REPS1: variants seen among roughly 807,000 people sequenced by gnomAD.
The protein encoded by REPS1 is ralBP1-associated Eps domain-containing protein 1.
A neutral mutation model predicts 100.9 loss-of-function variants in REPS1; 39 were observed. The ratio of observed to expected loss-of-function variants is 0.39; its 90% confidence interval spans 0.30 to 0.50. The LOEUF (loss-of-function observed/expected upper bound fraction) is 0.50, where lower values mean the gene tolerates loss of function less well. Among genes scored for constraint, REPS1 ranks in the 20% least tolerant of loss-of-function variants. REPS1 has a pLI of 0.86. For missense variants in REPS1, 821 were observed against 968.5 expected (o/e 0.85, Z 2.02); for synonymous variants, 324 against 340.3 (o/e 0.95, Z 0.53).
At chr6:138,915,692 A>AT (rs879327783) in intron 14 of REPS1, among the ~76,000 whole-genome samples, 166 bp downstream of exon 14, 1 of 152,130 alleles carries the variant, frequency 6.6e-6, no homozygotes. Flanking sequence ...ACCTCAAGTG[A>AT]TCTGCCTGCC....
chr6:138,934,493 G>A (rs904847805), intron 8 of REPS1, among the ~76,000 whole-genome samples: 3 of 152,194 alleles, frequency 2.0e-5, no homozygotes. Flanking sequence ...GCAAACACTG[G>A]AAGAAGTTTC....
At chr6:138,968,913 AAG>A (rs200114681) in intron 1 of REPS1, among the ~76,000 whole-genome samples, 1,583 of 152,258 alleles carry the variant, frequency 0.01, 21 homozygotes, top group African/African-American at 0.036. Context: ...AACAACAAAA[AAG>A]AGAACAGCTT....
chr6:138,976,208 C>T (rs576158357), intron 1 of REPS1, among the ~76,000 whole-genome samples: 6 of 152,288 alleles, frequency 3.9e-5, no homozygotes, highest in Admixed American at 3.3e-4. Context: ...AGTTTCCAGA[C>T]AATGATTTCT....
At chr6:138,932,502 A>G (rs1781548570) in intron 8 of REPS1, among the ~76,000 whole-genome samples, 1 of 149,660 alleles carries the variant, frequency 6.7e-6, no homozygotes, top group Admixed American at 6.6e-5. Context: ...ATAAATATGC[A>G]TGCTGATCTC....
At chr6:138,918,943 T>G (rs945080954) in intron 12 of REPS1, among the ~76,000 whole-genome samples, 2 of 152,302 alleles carry the variant, frequency 1.3e-5, no homozygotes, top group African/African-American at 4.8e-5. Context: ...GACTGGTTAT[T>G]TTAATTGTAT....
At chr6:138,967,984 T>C (rs1382763209) in intron 1 of REPS1, among the ~76,000 whole-genome samples, 2 of 152,166 alleles carry the variant, frequency 1.3e-5, no homozygotes, top group Non-Finnish European at 2.9e-5. Flanking sequence ...CTCCTTAACT[T>C]ACGATGGGGT....
Position 138,911,330 on chromosome 6 carries a change from G to C in REPS1, c.2013C>G (p.Ala671=). 1 of 1,613,554 alleles carries C rather than the reference G, an allele frequency of 6.2e-7. No homozygotes were observed. Among genetic ancestry groups the C allele is most frequent in the Non-Finnish European group, 8.5e-7 (1 of 1,179,704 alleles). Residue 671 remains alanine (A), a synonymous_variant, in exon 17 of 20, where the codon GCC becomes GCG. Coordinates refer to ENST00000450536, the MANE Select transcript of REPS1 (RefSeq NM_001286611.2). ...TTTCTTCAGTTTTACTATCTGTTTT[G>C]GCAACTCGAAGAGAACTTGCAGGAT... ...ASDPASSLRV[A]KTDSKTEEKT... is the part of the protein sequence containing the mutation.
chr6:138,943,652 CTTT>C, intron 6 of REPS1, 76 bp from the exon 7 acceptor site: 1 of 1,162,482 alleles, frequency 8.6e-7, no homozygotes, highest in Non-Finnish European at 1.2e-6. Flanking sequence ...GAGTCTTAGA[CTTT>C]TTTAACTGGG....
chr6:138,980,840 AC>A lies in REPS1; in HGVS notation c.153+6689del, dbSNP rs1295271028. On this transcript the variant is annotated intron_variant, in intron 1 of 19. Coordinates refer to ENST00000450536, the MANE Select transcript of REPS1 (RefSeq NM_001286611.2). Reference sequence around the variant, plus strand: ...GTAGCTGGGACTACAGGTGCAGGCCACCACGCCTGGCCAGTTCTTTTTCTTT... The same window carrying A: ...GTAGCTGGGACTACAGGTGCAGGCCACACGCCTGGCCAGTTCTTTTTCTTT... Among the ~76,000 whole-genome samples, 3 of 152,192 alleles carry A rather than the reference AC, an allele frequency of 2.0e-5. No homozygotes were observed. The East Asian group carries it at 5.8e-4, about 29-fold the overall frequency.
chr6:138,987,056 TA>T (rs1283104473), intron 1 of REPS1, among the ~76,000 whole-genome samples: 1 of 152,148 alleles, frequency 6.6e-6, no homozygotes, highest in Non-Finnish European at 1.5e-5. Flanking sequence ...TTGCTTCCTT[TA>T]AAAAAACTGC....
At position 138,987,515 on chromosome 6, in the gene REPS1, G is replaced by A. The variant is rs1346650444; in HGVS notation, c.153+15C>T. 1.9e-6 allele frequency: 3 copies of A among 1,544,838 alleles called. No homozygotes were observed. Among genetic ancestry groups the A allele is most frequent in the African/African-American group, 1.4e-5 (1 of 72,320 alleles). On this transcript the variant is annotated intron_variant, in intron 1 of 19. Coordinates refer to ENST00000450536, the MANE Select transcript of REPS1 (RefSeq NM_001286611.2). ...CAGGCCTAAGCCGCCCGCCGGCCCC[G>A]GGACGCGACGTTACCTGTAGGACCA...
At chr6:138,963,706 G>C (rs568410356) in intron 1 of REPS1, among the ~76,000 whole-genome samples, 1 of 152,318 alleles carries the variant, frequency 6.6e-6, no homozygotes, top group South Asian at 2.1e-4. Flanking sequence ...CAGTGGCAAA[G>C]AGGATGGACA....
At chr6:138,949,730 A>G (rs1782882367) in intron 1 of REPS1, among the ~76,000 whole-genome samples, 1 of 88,844 alleles carries the variant, frequency 1.1e-5, no homozygotes, top group African/African-American at 6.9e-5. Flanking sequence ...CATCTCATAA[A>G]AAAAAAAAAG....
At chr6:138,954,693 T>C (rs1373321644) in intron 1 of REPS1, among the ~76,000 whole-genome samples, 1 of 152,138 alleles carries the variant, frequency 6.6e-6, no homozygotes, top group Non-Finnish European at 1.5e-5. Flanking sequence ...ATTAATTCTT[T>C]TAAATAAAAT....
In REPS1 at chr6:138,930,035, T is replaced by G; in HGVS notation, c.1199A>C (p.Lys400Thr). Residue 400 changes from lysine (K) to threonine (T), a missense_variant, in exon 9 of 20, where the codon AAG (lysine) becomes ACG (threonine). By Grantham distance (78) the Lys-to-Thr change is moderately conservative (BLOSUM62 -1). Transcript: ENST00000450536. ...SGSPAEAPPS[K>T]SPSMPSLNQT... The stretch of plus-strand genomic sequence containing the variant: ...GTTTAGTGATGGCATCGATGGTGAC[T>G]TGCTTGGAGGAGCTTCAGCAGGAGA... The G allele has an allele frequency of 6.2e-7, 1 of 1,613,802 alleles. No individual in the cohort carries two copies. The highest frequency in any genetic ancestry group is 2.2e-5 in the East Asian group (1 of 44,876).
At chr6:138,921,918 G>A (rs1253661810) in intron 10 of REPS1, among the ~76,000 whole-genome samples, 1 of 151,812 alleles carries the variant, frequency 6.6e-6, no homozygotes, top group African/African-American at 2.4e-5. Context: ...CCTGCAGTGA[G>A]CTGTGATCAT....
At chr6:138,982,695 T>C (rs1312120642) in intron 1 of REPS1, among the ~76,000 whole-genome samples, 1 of 152,228 alleles carries the variant, frequency 6.6e-6, no homozygotes, top group Non-Finnish European at 1.5e-5. Context: ...TTATGTGGCA[T>C]GGAGCATAAT....
rs1228981496 is a variant in REPS1, at chr6:138,915,993, A to G, written c.1602-17T>C. 3 of 1,564,688 alleles carry G rather than the reference A, an allele frequency of 1.9e-6. No individual in the cohort carries two copies. Among genetic ancestry groups the G allele is most frequent in the African/African-American group, 2.7e-5 (2 of 73,870 alleles). ...GAATGAGACCTGCAAAATTCACCCC[A>G]TGATAATTGGTCATACTACTGATAT... On this transcript the variant is annotated splice_polypyrimidine_tract_variant and intron_variant, in intron 13 of 19. Coordinates refer to ENST00000450536, the MANE Select transcript of REPS1 (RefSeq NM_001286611.2).
chr6:138,976,168 G>C (rs1388159042), intron 1 of REPS1, among the ~76,000 whole-genome samples: 1 of 151,922 alleles, frequency 6.6e-6, no homozygotes, highest in Non-Finnish European at 1.5e-5. Flanking sequence ...AGTCACAAAT[G>C]AGACACCAAA....
Sources: allele counts gnomAD v4.1 joint callset (sites outside exome capture counted in the v4.1 genomes callset), GRCh38; gene constraint gnomAD v4.1.1; transcripts MANE v1.5; gene names NCBI Gene and HGNC (gene_info 2026-07-23, HGNC 2026-07-21).